Variants in EPS15L1 observed in about 807,000 individuals in gnomAD.
The protein encoded by EPS15L1 is epidermal growth factor receptor pathway substrate 15 like 1.
EPS15L1 carries 43 observed loss-of-function variants against 117.1 expected under a neutral mutation model. That is an observed-to-expected ratio of 0.37 (90% CI 0.29 to 0.47). The LOEUF is 0.47. Among genes scored for constraint, EPS15L1 ranks in the 20% least tolerant of loss-of-function variants. EPS15L1 has a pLI of 0.99. For missense variants in EPS15L1, 981 were observed against 1,164.0 expected (o/e 0.84, Z 2.29); for synonymous variants, 459 against 470.5 (o/e 0.98, Z 0.32).
intron 1 of EPS15L1, among the ~76,000 whole-genome samples, chr19:16,468,481 G>C (rs1208096917): frequency 6.6e-6 from 1 of 151,572 alleles, no homozygotes; most frequent in Non-Finnish European, 1.5e-5. Context: ...AAGTTGCTGG[G>C]ATTATAGGCG....
At chr19:16,452,151 C>A (rs1424370448) in intron 1 of EPS15L1, among the ~76,000 whole-genome samples, 2 of 143,276 alleles carry the variant, frequency 1.4e-5, no homozygotes, top group African/African-American at 5.1e-5. Context: ...AAAAAAAAAA[C>A]CACACAACAG....
chr19:16,416,332 G>A (rs1243137119), intron 12 of EPS15L1, among the ~76,000 whole-genome samples: 1 of 151,968 alleles, frequency 6.6e-6, no homozygotes. Flanking sequence ...CCCTGTCCTA[G>A]AATCGACTGG....
Position 16,361,831 on chromosome 19 carries a change from G to C in EPS15L1, c.2534C>G (p.Ser845Cys), listed in dbSNP as rs768419431. The C allele has an allele frequency of 1.2e-6, 2 of 1,614,076 alleles. No individual in the cohort carries two copies. The highest frequency in any genetic ancestry group is 2.2e-5 in the South Asian group (2 of 91,064). The change falls in exon 23 of 24, where the codon TCT becomes TGT. Residue 845 changes from serine to cysteine, a missense_variant. This residue lies in a region of EPS15L1 where 819 missense variants were observed against 949.0 expected (regional missense o/e 0.86). Transcript: ENST00000455140. Reference protein sequence around the residue: ...FSGKDPFVPSSAAKPSKASAS... With the variant: ...FSGKDPFVPSCAAKPSKASAS... ...AGAGGCCTTAGAAGGTTTAGCTGCA[G>C]AGGAGGGGACAAATGGGTCTTTTCC...
intron 19 of EPS15L1, among the ~76,000 whole-genome samples, chr19:16,388,183 C>T (rs948026435): frequency 6.6e-6 from 1 of 152,102 alleles, no homozygotes; most frequent in African/African-American, 2.4e-5. Flanking sequence ...GCTGGGATTA[C>T]AAGTGTGCAC....
chr19:16,465,458 G>A (rs2093295933), intron 1 of EPS15L1, among the ~76,000 whole-genome samples: 1 of 151,972 alleles, frequency 6.6e-6, no homozygotes, highest in African/African-American at 2.4e-5. Context: ...AGAGGCAGGA[G>A]GATCACTTGA....
At position 16,383,811 on chromosome 19, in the gene EPS15L1, C is replaced by G. The variant is rs570508247; in HGVS notation, c.2247+1318G>C. Reference sequence around the variant, plus strand: ...AACCCCAAGATGCTCAGAGACTCATCTGCTCCACCAGCTGAGTGAACACGG... The same window carrying G: ...AACCCCAAGATGCTCAGAGACTCATGTGCTCCACCAGCTGAGTGAACACGG... On this transcript the variant is annotated intron_variant, in intron 21 of 23. Coordinates refer to ENST00000455140, the MANE Select transcript of EPS15L1 (RefSeq NM_001258374.3). This position sits in a 1 kb window ranked among gnomAD's most constrained non-coding sequence, Gnocchi z 5.2. 5 of 152,420 alleles carry G rather than the reference C, an allele frequency of 3.3e-5. No homozygotes were observed. In the East Asian group the frequency reaches 7.7e-4, roughly 23 times the overall value. 9.4% of individuals were successfully genotyped at this position (152,420 alleles called of 1,614,324 possible). A position where few individuals can be genotyped will look rare whatever the true frequency, so the allele number is the denominator to read the frequency against.
chr19:16,460,490 G>C (rs982855706), intron 1 of EPS15L1, among the ~76,000 whole-genome samples: 6 of 152,158 alleles, frequency 3.9e-5, no homozygotes, highest in African/African-American at 1.4e-4. Context: ...AATCAATAAA[G>C]TCAACTGACT....
chr19:16,363,989 C>T (rs1311881235), intron 22 of EPS15L1, among the ~76,000 whole-genome samples: 1 of 152,240 alleles, frequency 6.6e-6, no homozygotes, highest in Non-Finnish European at 1.5e-5. Context: ...CCACAGGGTT[C>T]CACCGGGGTC....
intron 13 of EPS15L1, among the ~76,000 whole-genome samples, chr19:16,409,060 C>T (rs2363120): frequency 6.6e-6 from 1 of 150,996 alleles, no homozygotes; most frequent in Non-Finnish European, 1.5e-5. Flanking sequence ...TGTCTCTTAA[C>T]AAAAAAAAAT....
chr19:16,465,472 CAGG>C (rs1431343594), intron 1 of EPS15L1, among the ~76,000 whole-genome samples: 1 of 151,902 alleles, frequency 6.6e-6, no homozygotes, highest in East Asian at 1.9e-4. Flanking sequence ...CACTTGAGGT[CAGG>C]AGTTCGAAAC....
chr19:16,356,038 T>C (rs1268469850), intron 23 of EPS15L1, among the ~76,000 whole-genome samples, 187 bp from the exon 24 acceptor site: 1 of 152,202 alleles, frequency 6.6e-6, no homozygotes, highest in East Asian at 1.9e-4. Context: ...AGGCCCCCCA[T>C]CTGGAAAGCA....
Position 16,355,819 on chromosome 19 carries a change from G to C in EPS15L1, c.2619C>G (p.Ala873=). The C allele has an allele frequency of 6.5e-7, 1 of 1,536,110 alleles. No homozygotes were observed. The highest frequency in any genetic ancestry group is 2.4e-5 in the East Asian group (1 of 40,908). Residue 873 remains alanine, a synonymous_variant, in exon 24 of 24, where the codon GCC becomes GCG. Coordinates refer to ENST00000455140, the MANE Select transcript of EPS15L1 (RefSeq NM_001258374.3). ...GTTCCGCCTTCTCGCTCTCCCGCTTGGCCCACGCCAGCTGCTGCTCCTCAT... is the reference window on the plus strand; with the variant it reads ...GTTCCGCCTTCTCGCTCTCCCGCTTCGCCCACGCCAGCTGCTGCTCCTCAT... The part of the protein sequence containing the change: ...FGNEEQQLAW[A]KRESEKAEQE...
intron 1 of EPS15L1, among the ~76,000 whole-genome samples, chr19:16,459,800 G>A (rs1006501077): frequency 6.6e-6 from 1 of 152,192 alleles, no homozygotes; most frequent in Non-Finnish European, 1.5e-5. Flanking sequence ...GGGAGGTCAG[G>A]CAAGGCTGTG....
At position 16,361,755 on chromosome 19, in the gene EPS15L1, C is replaced by T. The variant is rs748699829; in HGVS notation, c.2586+24G>A. On this transcript the variant is annotated intron_variant, in intron 23 of 23. Coordinates refer to ENST00000455140, the MANE Select transcript of EPS15L1 (RefSeq NM_001258374.3). ...TGCAAGCGGAAGGGAGTGGGGTGGC[C>T]CGGAGGCGGAGGACTCAACTTACAG... The T allele has an allele frequency of 5.0e-6, 8 of 1,602,396 alleles. No homozygotes were observed. The South Asian group carries it at 9.0e-5, about 18-fold the overall frequency.
intron 22 of EPS15L1, among the ~76,000 whole-genome samples, chr19:16,362,511 CTTTTTTTT>C (rs71178690): frequency 1.1e-4 from 6 of 56,068 alleles, no homozygotes; most frequent in African/African-American, 2.0e-4. Context: ...GGTTTAAGTT[CTTTTTTTT>C]TTTTTTTTTT....
chr19:16,452,446 C>CG (rs1433691549), intron 1 of EPS15L1, among the ~76,000 whole-genome samples: 2 of 140,008 alleles, frequency 1.4e-5, no homozygotes, highest in Admixed American at 7.2e-5. Context: ...AATTCCATCT[C>CG]GAAAAAAAAA....
chr19:16,439,535 A>C (rs141988301), intron 4 of EPS15L1, among the ~76,000 whole-genome samples: 1 of 152,060 alleles, frequency 6.6e-6, no homozygotes, highest in African/African-American at 2.4e-5. Context: ...CAAAAAAAAT[A>C]ATAAAAATTA....
Position 16,471,772 on chromosome 19 carries a change from G to GGCCCCC in EPS15L1, c.33+140_33+141insGGGGGC. On this transcript the variant is annotated intron_variant, in intron 1 of 23. Coordinates refer to ENST00000455140, the MANE Select transcript of EPS15L1 (RefSeq NM_001258374.3). The surrounding 1 kb of genome is among the most constrained non-coding windows in gnomAD (Gnocchi z 4.8). The stretch of plus-strand genomic sequence containing the variant: ...CGGCCTGTCACCTTCAGGGCCGCCT[G>GGCCCCC]CCCACCCGCCCGCCGCAAGCCCTTC... 3.4e-6 allele frequency: 1 copy of GGCCCCC among 297,730 alleles called. No homozygotes were observed. Among genetic ancestry groups the GGCCCCC allele is most frequent in the Non-Finnish European group, 5.8e-6 (1 of 171,310 alleles). The allele number at this position is 297,730 out of a possible 1,614,324, so 18.4% of individuals were successfully genotyped here.
intron 22 of EPS15L1, among the ~76,000 whole-genome samples, chr19:16,372,069 C>A (rs941864876): frequency 6.6e-6 from 1 of 152,202 alleles, no homozygotes; most frequent in African/African-American, 2.4e-5. Context: ...GAACTTAGTG[C>A]CCACACCAAA....
Sources: allele counts gnomAD v4.1 joint callset (sites outside exome capture counted in the v4.1 genomes callset), GRCh38; gene constraint gnomAD v4.1.1; regional missense constraint gnomAD v4.1.1; non-coding constraint Gnocchi (gnomAD v3.1); transcripts MANE v1.5; gene names NCBI Gene and HGNC (gene_info 2026-07-23, HGNC 2026-07-21).